The following APBB1IP variants were observed in gnomAD, a reference collection of about 807,000 sequenced individuals.
The protein encoded by APBB1IP is amyloid beta precursor protein binding family B member 1 interacting protein.
APBB1IP carries 27 observed loss-of-function variants against 64.9 expected under a neutral mutation model. The ratio of observed to expected loss-of-function variants is 0.42; its 90% confidence interval spans 0.31 to 0.57. The LOEUF (loss-of-function observed/expected upper bound fraction) is 0.57. Among genes scored for constraint, APBB1IP ranks in the 20% least tolerant of loss-of-function variants. The pLI is 0.20. For synonymous variants in APBB1IP, 392 were observed against 331.0 expected, an observed-to-expected ratio of 1.18 and a Z score of -2.00; for missense variants, 812 against 845.5, an observed-to-expected ratio of 0.96 and a Z score of 0.49.
intron 11 of APBB1IP, among the ~76,000 whole-genome samples, chr10:26,558,646 G>T (rs1434387323): frequency 2.0e-5 from 3 of 151,088 alleles, no homozygotes; most frequent in Non-Finnish European, 4.4e-5. Flanking sequence ...AAGCATGGAT[G>T]CATGTTTGTG....
At chr10:26,563,327 T>C (rs900643964) in intron 14 of APBB1IP, among the ~76,000 whole-genome samples, 1 of 152,108 alleles carries the variant, frequency 6.6e-6, no homozygotes, top group African/African-American at 2.4e-5. Flanking sequence ...CACTCCAGCC[T>C]GGGTGACAGA....
rs770531978 is a variant in APBB1IP, at chr10:26,525,807, A to G, written c.814-7632A>G. Among the ~76,000 whole-genome samples, 101 of 152,330 alleles carry G rather than the reference A, an allele frequency of 6.6e-4. No individual in the cohort carries two copies. In the Middle Eastern group the frequency reaches 0.014, roughly 21 times the overall value. On this transcript the variant is annotated intron_variant, in intron 8 of 14. Transcript: ENST00000376236. The stretch of plus-strand genomic sequence containing the variant: ...GGAAGAAGTGGGTATTTTTGTGGAC[A>G]GTCGTGCAGAAGTGTGATTGCAGGA...
chr10:26,471,831 C>T (rs536911761), intron 2 of APBB1IP, among the ~76,000 whole-genome samples: 97 of 152,178 alleles, frequency 6.4e-4, no homozygotes, highest in African/African-American at 1.9e-3. Context: ...ATGACAGGCA[C>T]GTGCCACCAT....
In APBB1IP at chr10:26,500,944, T is replaced by A; in HGVS notation, c.286T>A (p.Ser96Thr). ...QKESLQNQHH[S>T]ASLQASIFSG... ...AGAGTCCTTGCAGAATCAACATCAT[T>A]CAGCATCTCTACAAGCATCAATTTT... Residue 96 changes from serine to threonine, a missense_variant, in exon 5 of 15, where the codon TCA becomes ACA. Physicochemically the swap from Ser to Thr is moderately conservative, Grantham distance 58. Transcript: ENST00000376236. 6 of 1,614,162 alleles carry A rather than the reference T, an allele frequency of 3.7e-6. No homozygotes were observed. The highest frequency in any genetic ancestry group is 5.1e-6 in the Non-Finnish European group (6 of 1,180,042).
At chr10:26,442,753 A>G (rs1835350546) in intron 2 of APBB1IP, among the ~76,000 whole-genome samples, 2 of 152,234 alleles carry the variant, frequency 1.3e-5, no homozygotes, top group Admixed American at 1.3e-4. Flanking sequence ...CTTAAGAAGT[A>G]GAATATTTAC....
chr10:26,466,925 G>A (rs764252713), intron 2 of APBB1IP, among the ~76,000 whole-genome samples: 2 of 150,586 alleles, frequency 1.3e-5, no homozygotes, highest in African/African-American at 5.0e-5. Context: ...GACAGAGCAA[G>A]ACCCTATGGA....
At chr10:26,548,448 G>A (rs958782664) in intron 11 of APBB1IP, among the ~76,000 whole-genome samples, 1 of 151,458 alleles carries the variant, frequency 6.6e-6, no homozygotes, top group Non-Finnish European at 1.5e-5. Context: ...TGGTAGCATG[G>A]ACATTATAAC....
intron 2 of APBB1IP, among the ~76,000 whole-genome samples, chr10:26,489,099 G>A (rs1045487308): frequency 2.6e-5 from 4 of 152,180 alleles, no homozygotes; most frequent in African/African-American, 9.6e-5. Context: ...TACACTGGAC[G>A]CCAGATAGGG....
chr10:26,530,458 G>A (rs775059347), intron 8 of APBB1IP, among the ~76,000 whole-genome samples: 36 of 152,028 alleles, frequency 2.4e-4, no homozygotes, highest in South Asian at 2.3e-3. Context: ...TTGGGAGGCC[G>A]AGGCGGGCAG....
chr10:26,519,459 A>G (rs1249796505), intron 8 of APBB1IP, among the ~76,000 whole-genome samples: 1 of 152,130 alleles, frequency 6.6e-6, no homozygotes, highest in Non-Finnish European at 1.5e-5. Flanking sequence ...AGGAAGAGAG[A>G]GAAGGGGCAT....
chr10:26,452,796 C>T (rs1042107722), intron 2 of APBB1IP, among the ~76,000 whole-genome samples: 2 of 152,066 alleles, frequency 1.3e-5, no homozygotes, highest in African/African-American at 4.8e-5. Flanking sequence ...TGTACCCAAT[C>T]GGTAATTTTT....
chr10:26,509,044 C>T (rs1435993115), intron 6 of APBB1IP, among the ~76,000 whole-genome samples: 2 of 152,188 alleles, frequency 1.3e-5, no homozygotes, highest in African/African-American at 2.4e-5. Flanking sequence ...CATGTAGCTA[C>T]TTTACAGCAG....
rs564093334 is a variant in APBB1IP at position 26,461,820 on chromosome 10, G to A, written c.-1+22967G>A. 1.3e-3 allele frequency among the ~76,000 whole-genome samples: 199 copies of A among 151,572 alleles called. 1 individual carries two copies. The highest frequency in any genetic ancestry group is 4.6e-3 in the African/African-American group (189 of 41,266). On this transcript the variant is annotated intron_variant, in intron 2 of 14. Coordinates refer to ENST00000376236, the MANE Select transcript of APBB1IP (RefSeq NM_019043.4). ...CTTATTATTTATCTCTATGTTTTTC[G>A]TAGTTTTTGTTGCTGTTGTAAATCT...
intron 6 of APBB1IP, among the ~76,000 whole-genome samples, chr10:26,504,956 A>G (rs1166762707): frequency 6.6e-6 from 1 of 151,798 alleles, no homozygotes; most frequent in Admixed American, 6.6e-5. Context: ...AGGCCTCCCT[A>G]TGTTGCCTAG....
In APBB1IP at chr10:26,551,642, G is replaced by A. The variant is rs1033679763; in HGVS notation, c.1156-8463G>A. Among the ~76,000 whole-genome samples, 4 of 152,292 alleles carry A rather than the reference G, an allele frequency of 2.6e-5. No individual in the cohort carries two copies. The South Asian group carries it at 8.3e-4, about 32-fold the overall frequency. On this transcript the variant is annotated intron_variant, in intron 11 of 14. Coordinates refer to ENST00000376236, the MANE Select transcript of APBB1IP (RefSeq NM_019043.4). Reference sequence around the variant, plus strand: ...AGGAAGTAGTGGAATGTCATGGAAGGAGCGCTGGAATTCCGCCCCGTCGCT... The same window carrying A: ...AGGAAGTAGTGGAATGTCATGGAAGAAGCGCTGGAATTCCGCCCCGTCGCT...
intron 8 of APBB1IP, among the ~76,000 whole-genome samples, chr10:26,524,516 C>G (rs542085932): frequency 1.7e-4 from 26 of 152,206 alleles, no homozygotes; most frequent in Admixed American, 9.2e-4. Context: ...AAAAGTATGC[C>G]CCTGGCAGTT....
At chr10:26,552,266 T>TCCAG (rs374454618) in intron 11 of APBB1IP, among the ~76,000 whole-genome samples, 4 of 152,222 alleles carry the variant, frequency 2.6e-5, no homozygotes, top group African/African-American at 9.6e-5. Context: ...ACTACTGCAC[T>TCCAG]CCAGCCGGGG....
chr10:26,531,956 C>T (rs1836560272), intron 8 of APBB1IP, among the ~76,000 whole-genome samples: 1 of 152,048 alleles, frequency 6.6e-6, no homozygotes, highest in African/African-American at 2.4e-5. Context: ...TAAAGAAAAG[C>T]CAACGATAAG....
At chr10:26,442,932 G>A (rs1050685052) in intron 2 of APBB1IP, among the ~76,000 whole-genome samples, 1 of 152,310 alleles carries the variant, frequency 6.6e-6, no homozygotes, top group Non-Finnish European at 1.5e-5. Context: ...GCAGACTGGA[G>A]TCAGGTTCTC....
Sources: allele counts gnomAD v4.1 joint callset (sites outside exome capture counted in the v4.1 genomes callset), GRCh38; gene constraint gnomAD v4.1.1; transcripts MANE v1.5; gene names NCBI Gene and HGNC (gene_info 2026-07-23, HGNC 2026-07-21).